Variants in USP36 observed in about 807,000 individuals in gnomAD.
USP36 encodes the protein ubiquitin specific peptidase 36, also known as ubiquitin carboxyl-terminal hydrolase 36.
Under a neutral mutation model 111.5 loss-of-function variants are expected in USP36, and 59 were observed. That is an observed-to-expected ratio of 0.53 (90% CI 0.43 to 0.66). The LOEUF is 0.66. USP36 is among the 30% of genes least tolerant of loss of function. USP36 has a pLI of 0.00. For missense variants in USP36, 1,488 were observed against 1,468.0 expected (o/e 1.01, Z -0.22); for synonymous variants, 628 against 581.0 (o/e 1.08, Z -1.16).
rs1378079391 is a variant in USP36 at position 78,789,257 on chromosome 17, T to C, written c.*21-1599A>G. Among the ~76,000 whole-genome samples, 3 of 150,570 alleles carry C rather than the reference T, an allele frequency of 2.0e-5. No homozygotes were observed. The East Asian group carries it at 5.8e-4, about 29-fold the overall frequency. On this transcript the variant is annotated intron_variant, in intron 3 of 3. Transcript: ENST00000588130. The stretch of plus-strand genomic sequence containing the variant: ...TTAGCTGGGCATGCCAGCCTTCACT[T>C]GCCCAATCACTGTGTGAGTGATTTG...
rs2068947525 is a variant in USP36, at chr17:78,838,684, C to T, written c.-107G>A. 1 of 152,182 alleles carries T rather than the reference C, an allele frequency of 6.6e-6. No individual in the cohort carries two copies. The highest frequency in any genetic ancestry group is 2.4e-5 in the African/African-American group (1 of 41,410). 9.4% of individuals were successfully genotyped at this position (152,182 alleles called of 1,614,324 possible). A position where few individuals can be genotyped will look rare whatever the true frequency, so the allele number is the denominator to read the frequency against. On this transcript the variant is annotated 5_prime_UTR_variant, in exon 2 of 21. Coordinates refer to ENST00000449938, the MANE Select transcript of USP36 (RefSeq NM_001385174.1). ...GGTTGGGCAGGTGCTACGCGGAGCT[C>T]CTGAATGTAAGCGCTCCTGGACTGT...
downstream of USP36, among the ~76,000 whole-genome samples, chr17:78,793,682 T>C (rs1442384715): frequency 6.6e-6 from 1 of 151,898 alleles, no homozygotes; most frequent in Non-Finnish European, 1.5e-5. Context: ...GCTGAGGTTG[T>C]CCAAGCTACC....
intron 6 of USP36, among the ~76,000 whole-genome samples, 187 bp from the exon 7 acceptor site, chr17:78,822,191 G>A (rs1156601529): frequency 6.6e-6 from 1 of 152,126 alleles, no homozygotes; most frequent in African/African-American, 2.4e-5. Context: ...CAGTCTCTCT[G>A]CAGAGCTCTG....
chr17:78,808,752 G>A (rs1164031049), intron 13 of USP36, among the ~76,000 whole-genome samples: 1 of 152,058 alleles, frequency 6.6e-6, no homozygotes, highest in Non-Finnish European at 1.5e-5. Flanking sequence ...TTTAGATGCT[G>A]AATGTCAGCC....
downstream of USP36, among the ~76,000 whole-genome samples, chr17:78,793,248 T>G (rs2093598193): frequency 6.6e-6 from 1 of 152,028 alleles, no homozygotes; most frequent in African/African-American, 2.4e-5. Context: ...GAGGTAGCCT[T>G]GGAAGTCACT....
chr17:78,802,369 T>TG lies in USP36; in HGVS notation c.2976dup (p.Ser993GlnfsTer32). 1 of 1,604,632 alleles carries TG rather than the reference T, an allele frequency of 6.2e-7. No homozygotes were observed. The highest frequency in any genetic ancestry group is 8.5e-7 in the Non-Finnish European group (1 of 1,175,844). ...CAGCCATTCGCGGATGGTGCGCAGC[T>TG]GCTGGACTCGGGGACAACAGCATCT... On this transcript the variant is annotated frameshift_variant, in exon 17 of 21. Coordinates refer to ENST00000449938, the MANE Select transcript of USP36 (RefSeq NM_001385174.1). LOFTEE classifies it high-confidence loss of function.
chr17:78,810,840 C>G (rs1022165381), intron 13 of USP36, among the ~76,000 whole-genome samples: 1 of 152,062 alleles, frequency 6.6e-6, no homozygotes, highest in Non-Finnish European at 1.5e-5. Flanking sequence ...CCAGGCCGGG[C>G]ACGGTGGCTC....
intron 3 of USP36, among the ~76,000 whole-genome samples, chr17:78,790,416 G>A (rs1444380276): frequency 2.6e-5 from 4 of 151,980 alleles, no homozygotes; most frequent in Non-Finnish European, 4.4e-5. Context: ...TCAGCCTCCC[G>A]AGTAGCTGGG....
chr17:78,820,060 G>C (rs531508350), intron 8 of USP36, 48 bp from the exon 9 acceptor site: 176 of 1,588,522 alleles, frequency 1.1e-4, no homozygotes, highest in South Asian at 3.2e-4. Context: ...GAGGAAAAAG[G>C]CTGATTCAAG....
intron 13 of USP36, among the ~76,000 whole-genome samples, chr17:78,809,496 C>T (rs1234046025): frequency 2.0e-5 from 3 of 152,094 alleles, no homozygotes; most frequent in African/African-American, 7.2e-5. Flanking sequence ...TGGAAAATCA[C>T]GTTTGTAATG....
intron 20 of USP36, 66 bp from the exon 21 acceptor site, chr17:78,797,945 T>C (rs2144892443): frequency 6.3e-6 from 1 of 159,740 alleles, no homozygotes; most frequent in South Asian, 1.8e-4. Flanking sequence ...ACTGCCACCC[T>C]CGGGTATGAG....
chr17:78,792,586 G>C (rs916591617), downstream of USP36, among the ~76,000 whole-genome samples: 1 of 152,196 alleles, frequency 6.6e-6, no homozygotes. Context: ...ATCAGAATGC[G>C]GGGGAAGGAG....
rs549964435 is a variant in USP36, at chr17:78,799,877, CTTTTTTTTT to C, written c.3023-118_3023-110del. On this transcript the variant is annotated intron_variant, in intron 17 of 20. Coordinates refer to ENST00000449938, the MANE Select transcript of USP36 (RefSeq NM_001385174.1). ...CAACTTACAGTAAGTGGATGCTTGCCTTTTTTTTTTTTTTTTTTTTTTTTTTTTAAAGAC... is the reference window on the plus strand; with the variant it reads ...CAACTTACAGTAAGTGGATGCTTGCCTTTTTTTTTTTTTTTTTTTAAAGAC... The C allele has an allele frequency of 4.5e-3, 701 of 155,582 alleles. 7 individuals carry two copies. The highest frequency in any genetic ancestry group is 0.019 in the African/African-American group (490 of 25,834). 9.6% of individuals were successfully genotyped at this position (155,582 alleles called of 1,614,324 possible). A position where few individuals can be genotyped will look rare whatever the true frequency, so the allele number is the denominator to read the frequency against.
chr17:78,814,037 C>T (rs1025798132), intron 11 of USP36, among the ~76,000 whole-genome samples, 164 bp from the exon 12 acceptor site: 3 of 152,254 alleles, frequency 2.0e-5, no homozygotes, highest in East Asian at 3.9e-4. Flanking sequence ...ATTTTCATAA[C>T]TCGGAATGTG....
rs535455702 is a variant in USP36 at position 78,839,829 on chromosome 17, T to A, written c.-174+907A>T. Among the ~76,000 whole-genome samples, 3 of 152,220 alleles carry A rather than the reference T, an allele frequency of 2.0e-5. No individual in the cohort carries two copies. In the South Asian group the frequency reaches 6.2e-4, roughly 32 times the overall value. ...CCTCCGACGCACACACCATCCACAC[T>A]CTACCCAACTCAGGAAGGATGCTCT... On this transcript the variant is annotated intron_variant, in intron 1 of 20. Coordinates refer to ENST00000449938, the MANE Select transcript of USP36 (RefSeq NM_001385174.1).
At chr17:78,814,057 T>C (rs1280820029) in intron 11 of USP36, among the ~76,000 whole-genome samples, 184 bp from the exon 12 acceptor site, 1 of 152,162 alleles carries the variant, frequency 6.6e-6, no homozygotes, top group East Asian at 1.9e-4. Flanking sequence ...GACCCCAAAG[T>C]GTGCTCTGCG....
intron 4 of USP36, among the ~76,000 whole-genome samples, chr17:78,831,656 C>G (rs570842457): frequency 1.9e-4 from 29 of 151,922 alleles, no homozygotes; most frequent in Non-Finnish European, 3.8e-4. Flanking sequence ...ATATAAAACG[C>G]TGCTGGTTGG....
chr17:78,794,117 T>G (rs1201655249), downstream of USP36, among the ~76,000 whole-genome samples: 1 of 152,158 alleles, frequency 6.6e-6, no homozygotes, highest in Non-Finnish European at 1.5e-5. Context: ...CTCCTAAATA[T>G]CCAAGTGACC....
chr17:78,812,711 A>AT lies in USP36; in HGVS notation c.1407+148_1407+149insA. On this transcript the variant is annotated intron_variant, in intron 13 of 20. Coordinates refer to ENST00000449938, the MANE Select transcript of USP36 (RefSeq NM_001385174.1). ...GACTCTGTCTCGAAAAAAAAAAAAA[A>AT]AAAAAAAGAAAAGAAAAGAAATAAC... The AT allele has an allele frequency of 3.5e-6, 3 of 861,148 alleles. No individual in the cohort carries two copies. The South Asian group carries it at 7.8e-5, about 22-fold the overall frequency. 53.3% of individuals were successfully genotyped at this position (861,148 alleles called of 1,614,324 possible).
Sources: gnomAD v4.1 joint callset for allele counts (sites outside exome capture counted in the v4.1 genomes callset) on GRCh38, gnomAD v4.1.1 for gene constraint, MANE v1.5 for transcripts, NCBI Gene and HGNC (gene_info 2026-07-23, HGNC 2026-07-21) for gene names.